UBE4B: variants seen among roughly 807,000 people sequenced by gnomAD.
UBE4B encodes ubiquitin conjugation factor E4 B.
In UBE4B, 27 loss-of-function variants were observed where a neutral mutation model predicts 148.1. That is an observed-to-expected ratio of 0.18 (90% CI 0.13 to 0.25). UBE4B has a LOEUF of 0.25. UBE4B is among the 10% of genes least tolerant of loss of function. UBE4B has a pLI of 1.00. For missense variants in UBE4B, 1,170 were observed against 1,662.4 expected (o/e 0.70, Z 5.15); for synonymous variants, 596 against 619.3 (o/e 0.96, Z 0.56).
intron 7 of UBE4B, among the ~76,000 whole-genome samples, chr1:10,109,622 C>G (rs1408471125): frequency 1.3e-5 from 2 of 151,072 alleles, no homozygotes; most frequent in Non-Finnish European, 2.9e-5. Context: ...TAAGTAGGGT[C>G]AGAGCCAAGA....
At chr1:10,131,658 A>G (rs1161435328) in intron 14 of UBE4B, among the ~76,000 whole-genome samples, 10 of 152,138 alleles carry the variant, frequency 6.6e-5, no homozygotes, top group Admixed American at 5.9e-4. Flanking sequence ...TCACGAGGTC[A>G]GGAAGTCATC....
chr1:10,080,333 T>C (rs1250726615), intron 2 of UBE4B, among the ~76,000 whole-genome samples: 2 of 150,888 alleles, frequency 1.3e-5, no homozygotes, highest in African/African-American at 4.9e-5. Context: ...GGCAGGAGAA[T>C]CGCTTGAACC....
intron 15 of UBE4B, 43 bp from the exon 16 acceptor site, chr1:10,134,945 T>C (rs760189816): frequency 1.3e-6 from 2 of 1,584,762 alleles, no homozygotes; most frequent in Admixed American, 3.4e-5. Flanking sequence ...AAAAAAAATT[T>C]TTTTTAATGT....
At chr1:10,033,829 G>C in intron 1 of UBE4B, 135 bp downstream of exon 1, 1 of 918,342 alleles carries the variant, frequency 1.1e-6, no homozygotes, top group Non-Finnish European at 1.5e-6. Flanking sequence ...CAAGAATAAC[G>C]TGACTCCCCG....
intron 21 of UBE4B, among the ~76,000 whole-genome samples, chr1:10,157,037 A>T (rs534300901): frequency 1.3e-5 from 2 of 152,238 alleles, no homozygotes; most frequent in East Asian, 3.9e-4. Flanking sequence ...AATTTTTGAG[A>T]CAGAGTCTTG....
intron 1 of UBE4B, among the ~76,000 whole-genome samples, chr1:10,061,830 G>C (rs1644291839): frequency 6.6e-6 from 1 of 151,998 alleles, no homozygotes; most frequent in Non-Finnish European, 1.5e-5. Flanking sequence ...TGCTGATGTT[G>C]AGGAGTGTTG....
At chr1:10,132,296 G>A in intron 14 of UBE4B, 73 bp from the exon 15 acceptor site, 2 of 1,161,954 alleles carry the variant, frequency 1.7e-6, no homozygotes, top group Non-Finnish European at 2.5e-6. Context: ...TAGGCTAGCT[G>A]TTCGTGAAGT....
intron 16 of UBE4B, among the ~76,000 whole-genome samples, chr1:10,136,842 C>A (rs963017442): frequency 6.6e-6 from 1 of 152,156 alleles, no homozygotes; most frequent in Non-Finnish European, 1.5e-5. Flanking sequence ...ATCACTTGAA[C>A]CTGGGAGGCG....
intron 17 of UBE4B, among the ~76,000 whole-genome samples, chr1:10,140,508 A>T (rs1005400404): frequency 2.0e-5 from 3 of 152,228 alleles, no homozygotes; most frequent in Admixed American, 6.5e-5. Flanking sequence ...TCAGCTTATA[A>T]TATCAATCAC....
At chr1:10,097,620 G>T (rs900327267) in intron 3 of UBE4B, among the ~76,000 whole-genome samples, 1 of 152,116 alleles carries the variant, frequency 6.6e-6, no homozygotes, top group African/African-American at 2.4e-5. Context: ...GACCAGCCTG[G>T]CCAACATGTT....
chr1:10,069,330 C>T (rs369752834), intron 1 of UBE4B, among the ~76,000 whole-genome samples: 2 of 152,132 alleles, frequency 1.3e-5, no homozygotes, highest in East Asian at 1.9e-4. Context: ...TAGAGAGTAC[C>T]TACCATGTGT....
chr1:10,146,868 A>T lies in UBE4B; in HGVS notation c.2464-95A>T. Reference sequence around the variant, plus strand: ...GAAGCTCTAGAAGCTCTGGAACCCAAATTTCCCATCTCCTGGCCCCAGTCC... The same window carrying T: ...GAAGCTCTAGAAGCTCTGGAACCCATATTTCCCATCTCCTGGCCCCAGTCC... On this transcript the variant is annotated intron_variant, in intron 18 of 27. Transcript: ENST00000343090. 2.7e-6 allele frequency: 4 copies of T among 1,498,920 alleles called. No homozygotes were observed. In the South Asian group the frequency reaches 5.1e-5, roughly 19 times the overall value. The allele number at this position is 1,498,920 out of a possible 1,614,324, so 92.9% of individuals were successfully genotyped here.
intron 7 of UBE4B, among the ~76,000 whole-genome samples, chr1:10,114,961 G>A (rs1645283131): frequency 6.6e-6 from 1 of 152,082 alleles, no homozygotes; most frequent in Non-Finnish European, 1.5e-5. Context: ...CTTTGTAGGT[G>A]GCTTAGTTAC....
chr1:10,098,553 C>T (rs1282595862), intron 3 of UBE4B, among the ~76,000 whole-genome samples: 4 of 152,160 alleles, frequency 2.6e-5, no homozygotes, highest in Non-Finnish European at 4.4e-5. Context: ...GGCAGTTGAG[C>T]CAATGTTCCT....
chr1:10,131,952 CA>C lies in UBE4B; in HGVS notation c.1912-406del, dbSNP rs60067828. On this transcript the variant is annotated intron_variant, in intron 14 of 27. Coordinates refer to ENST00000343090, the MANE Select transcript of UBE4B (RefSeq NM_001105562.3). Reference sequence around the variant, plus strand: ...GGGCAATAAGAGCAAAACTCCGTCTCAAAAAAAAAAACAACAAAAATGCAAA... The same window carrying C: ...GGGCAATAAGAGCAAAACTCCGTCTCAAAAAAAAAACAACAAAAATGCAAA... Among the ~76,000 whole-genome samples, 728 of 134,838 alleles carry C rather than the reference CA, an allele frequency of 5.4e-3. 6 individuals carry two copies. The highest frequency in any genetic ancestry group is 0.016 in the African/African-American group (584 of 36,772). The allele number at this position is 134,838 out of a possible 152,430, so 88.5% of individuals were successfully genotyped here.
At chr1:10,077,864 T>C (rs1557533888) in intron 2 of UBE4B, among the ~76,000 whole-genome samples, 1 of 152,260 alleles carries the variant, frequency 6.6e-6, no homozygotes, top group East Asian at 1.9e-4. Flanking sequence ...AGGTCATTGC[T>C]GTTCCAGACT....
chr1:10,070,204 G>T (rs768342451), intron 1 of UBE4B, among the ~76,000 whole-genome samples: 1 of 151,816 alleles, frequency 6.6e-6, no homozygotes, highest in Non-Finnish European at 1.5e-5. Flanking sequence ...AACCTGGGAG[G>T]GGGAGGTTGC....
intron 1 of UBE4B, among the ~76,000 whole-genome samples, chr1:10,064,035 A>T (rs1196851510): frequency 1.3e-5 from 2 of 152,044 alleles, no homozygotes; most frequent in Admixed American, 6.6e-5. Context: ...GCTCGTCATG[A>T]GCTTGTTGCA....
intron 2 of UBE4B, among the ~76,000 whole-genome samples, chr1:10,089,516 A>AT (rs1301864978): frequency 6.6e-6 from 1 of 152,030 alleles, no homozygotes; most frequent in African/African-American, 2.4e-5. Context: ...AAAAAAAAAA[A>AT]AGTTTTCAGG....
Sources: allele counts gnomAD v4.1 joint callset (sites outside exome capture counted in the v4.1 genomes callset), GRCh38; gene constraint gnomAD v4.1.1; transcripts MANE v1.5; gene names NCBI Gene and HGNC (gene_info 2026-07-23, HGNC 2026-07-21).